MPRIP: variants seen among roughly 807,000 people sequenced by gnomAD.
MPRIP encodes the protein myosin phosphatase Rho interacting protein, also known as myosin phosphatase Rho-interacting protein.
Under a neutral mutation model 234.9 loss-of-function variants are expected in MPRIP, and 59 were observed. The observed-to-expected ratio is 0.25, with a 90% CI of 0.20 to 0.31. MPRIP has a LOEUF of 0.31. Among genes scored for constraint, MPRIP ranks in the 10% least tolerant of loss-of-function variants. The pLI is 1.00. For synonymous variants in MPRIP, 1,144 were observed against 1,263.9 expected (o/e 0.91, Z 2.01); for missense variants, 2,436 against 3,071.0 (o/e 0.79, Z 4.89).
intron 3 of MPRIP, among the ~76,000 whole-genome samples, chr17:17,124,977 C>A (rs2090463129): frequency 6.6e-6 from 1 of 152,180 alleles, no homozygotes; most frequent in South Asian, 2.1e-4. Context: ...TGGGTCTCCC[C>A]AACCAGAAGG....
At chr17:17,112,214 T>C (rs1394562049) in intron 3 of MPRIP, among the ~76,000 whole-genome samples, 1 of 152,096 alleles carries the variant, frequency 6.6e-6, no homozygotes, top group Non-Finnish European at 1.5e-5. Context: ...CCAGCTGAGC[T>C]CTGTCTCTGC....
At chr17:17,066,303 T>A (rs747103295) in intron 1 of MPRIP, among the ~76,000 whole-genome samples, 1 of 152,196 alleles carries the variant, frequency 6.6e-6, no homozygotes, top group Non-Finnish European at 1.5e-5. Context: ...TTGAGCAAGT[T>A]CCCCTCTATT....
chr17:17,055,565 C>T (rs1165228511), intron 1 of MPRIP, among the ~76,000 whole-genome samples: 2 of 152,184 alleles, frequency 1.3e-5, no homozygotes, highest in African/African-American at 4.8e-5. Context: ...AAAGGCACCT[C>T]TGCTGAGGGG....
chr17:17,046,100 C>T (rs1401821519), intron 1 of MPRIP, among the ~76,000 whole-genome samples: 2 of 152,208 alleles, frequency 1.3e-5, no homozygotes, highest in Non-Finnish European at 2.9e-5. Context: ...TCACTGTGCC[C>T]AGCTCAAATA....
At chr17:17,114,362 G>C (rs1273383448) in intron 3 of MPRIP, among the ~76,000 whole-genome samples, 1 of 151,864 alleles carries the variant, frequency 6.6e-6, no homozygotes, top group Admixed American at 6.6e-5. Context: ...CCTTCCCTAG[G>C]TTGCCTTTTC....
chr17:17,103,122 A>G (rs1851013327), intron 3 of MPRIP, among the ~76,000 whole-genome samples: 1 of 152,206 alleles, frequency 6.6e-6, no homozygotes, highest in Admixed American at 6.5e-5. Flanking sequence ...TGGTGGAGCG[A>G]GTACTGGACT....
Position 17,192,427 on chromosome 17 carries a change from T to TTTGGGG in MPRIP, c.*7533_*7534insTTGGGG, listed in dbSNP as rs56270914. On this transcript the variant is annotated 3_prime_UTR_variant, in exon 24 of 24. Transcript: ENST00000651222. ...ACCAGCTGAGCTGCTGCTTTTTTTT[T>TTTGGGG]GGGGGGGGGGGGGGGAGGGGCGTCT... The TTTGGGG allele has an allele frequency of 1.9e-3, 9 of 4,812 alleles. 1 individual carries two copies. The highest frequency in any genetic ancestry group is 3.6e-3 in the Non-Finnish European group (7 of 1,924). 0.3% of individuals were successfully genotyped at this position (4,812 alleles called of 1,614,324 possible).
intron 14 of MPRIP, 99 bp from the exon 15 acceptor site, chr17:17,161,141 C>G: frequency 1.3e-6 from 1 of 785,674 alleles, no homozygotes; most frequent in Non-Finnish European, 2.0e-6. Context: ...CTCCAAAACT[C>G]TTGGGCCACA....
intron 3 of MPRIP, among the ~76,000 whole-genome samples, chr17:17,079,275 T>C (rs28452405): frequency 0.53 from 80,244 of 152,110 alleles, 25,270 homozygotes; most frequent in East Asian, 0.7. Context: ...ATTGTCTTCC[T>C]TTTCATTCTT....
chr17:17,132,691 A>T (rs2090621114), intron 5 of MPRIP, among the ~76,000 whole-genome samples: 2 of 152,150 alleles, frequency 1.3e-5, no homozygotes, highest in South Asian at 4.1e-4. Context: ...CCTCCTGCTG[A>T]TGGAGTCAGC....
intron 1 of MPRIP, among the ~76,000 whole-genome samples, chr17:17,075,106 G>A (rs555112260): frequency 9.2e-5 from 14 of 152,238 alleles, no homozygotes; most frequent in Non-Finnish European, 1.9e-4. Context: ...CCTGTGCTGG[G>A]TTTTACTGAT....
At position 17,052,909 on chromosome 17, in the gene MPRIP, C is replaced by T. The variant is rs144782040; in HGVS notation, c.123+9938C>T. 2.1e-3 allele frequency among the ~76,000 whole-genome samples: 326 copies of T among 152,258 alleles called. 4 individuals carry two copies. The highest frequency in any genetic ancestry group is 0.02 in the Admixed American group (309 of 15,288). On this transcript the variant is annotated intron_variant, in intron 1 of 23. Coordinates refer to ENST00000651222, the MANE Select transcript of MPRIP (RefSeq NM_001364716.4). The stretch of plus-strand genomic sequence containing the variant: ...TTAACAGACCCACAAGCAACCGTGG[C>T]GCACTTTCCACACAAGGTTTCTGAC...
chr17:17,074,242 T>C (rs894418606), intron 1 of MPRIP, among the ~76,000 whole-genome samples: 1 of 152,208 alleles, frequency 6.6e-6, no homozygotes, highest in Non-Finnish European at 1.5e-5. Context: ...GTTACCGCCC[T>C]CCGAAAGGCA....
intron 18 of MPRIP, among the ~76,000 whole-genome samples, chr17:17,173,562 C>G (rs1316887664): frequency 6.6e-6 from 1 of 151,984 alleles, no homozygotes; most frequent in Non-Finnish European, 1.5e-5. Flanking sequence ...AGAGCCTGGT[C>G]CTGGCTGTCA....
Position 17,166,697 on chromosome 17 carries a change from G to A in MPRIP, c.5106G>A (p.Arg1702=), listed in dbSNP as rs1476863110. Residue 1702 remains arginine (R), a synonymous_variant, in exon 16 of 24, where the codon CGG becomes CGA. Transcript: ENST00000651222. The surrounding 1 kb of genome is among the most constrained non-coding windows in gnomAD (Gnocchi z 4.4). ...ETLRGTQTAL[R]QHKCLLREIL... is the part of the protein sequence containing the mutation. Reference sequence around the variant, plus strand: ...TGCGGGGCACCCAGACGGCCCTGCGGCAGCACAAATGCCTGCTGAGGGAAA... The same window carrying A: ...TGCGGGGCACCCAGACGGCCCTGCGACAGCACAAATGCCTGCTGAGGGAAA... The A allele has an allele frequency of 7.7e-7, 1 of 1,304,096 alleles. No individual in the cohort carries two copies. Among genetic ancestry groups the A allele is most frequent in the East Asian group, 5.5e-5 (1 of 18,028 alleles). The allele number at this position is 1,304,096 out of a possible 1,614,324, so 80.8% of individuals were successfully genotyped here.
chr17:17,149,953 C>T (rs1597464215), intron 11 of MPRIP, 191 bp from the exon 12 acceptor site: 3 of 538,698 alleles, frequency 5.6e-6, no homozygotes, highest in South Asian at 2.1e-5. Flanking sequence ...GATACAGGGA[C>T]AGATGGTGGT....
intron 1 of MPRIP, among the ~76,000 whole-genome samples, chr17:17,044,912 G>T (rs2088295192): frequency 6.6e-6 from 1 of 152,128 alleles, no homozygotes; most frequent in African/African-American, 2.4e-5. Context: ...ATTTGTGCTG[G>T]GAGAGGTTAG....
intron 16 of MPRIP, chr17:17,170,822 G>C (rs2046116359): frequency 2.0e-5 from 3 of 152,198 alleles, no homozygotes; most frequent in African/African-American, 7.2e-5. Context: ...CGGCAGCTGT[G>C]CAGCACGCTC....
chr17:17,063,233 G>T (rs2088919890), intron 1 of MPRIP, among the ~76,000 whole-genome samples: 1 of 152,326 alleles, frequency 6.6e-6, no homozygotes, highest in African/African-American at 2.4e-5. Context: ...TACCTTTTCA[G>T]CTGGGTGGGG....
Sources: gnomAD v4.1 joint callset for allele counts (sites outside exome capture counted in the v4.1 genomes callset) on GRCh38, gnomAD v4.1.1 for gene constraint, Gnocchi (gnomAD v3.1) non-coding constraint, MANE v1.5 for transcripts, NCBI Gene and HGNC (gene_info 2026-07-23, HGNC 2026-07-21) for gene names.